MGAT4C: variants seen among roughly 807,000 people sequenced by gnomAD.
MGAT4C encodes the protein MGAT4 family member C, also known as alpha-1,3-mannosyl-glycoprotein 4-beta-N-acetylglucosaminyltransferase C.
MGAT4C carries 19 observed loss-of-function variants against 40.1 expected under a neutral mutation model. The observed-to-expected ratio is 0.47, with a 90% CI of 0.33 to 0.70. The LOEUF (loss-of-function observed/expected upper bound fraction) is 0.70, where lower values mean the gene tolerates loss of function less well. Ranked by LOEUF, MGAT4C falls within the 30% of genes least tolerant of loss-of-function variation. The probability of loss-of-function intolerance (pLI) is 0.02; values close to 1 mark genes in which losing one functional copy is unlikely to be tolerated. For synonymous variants in MGAT4C, 181 were observed against 187.1 expected (o/e 0.97, Z 0.27); for missense variants, 491 against 563.2 (o/e 0.87, Z 1.30).
Position 86,178,558 on chromosome 12 carries a change from T to G in MGAT4C, c.-57+77681A>C, listed in dbSNP as rs999957036. ...CATTTTTATTGTTACTAGTTTTATTTGTAGTTAAGTAAGTCTGCAGAAATC... is the reference window on the plus strand; with the variant it reads ...CATTTTTATTGTTACTAGTTTTATTGGTAGTTAAGTAAGTCTGCAGAAATC... On this transcript the variant is annotated intron_variant, in intron 1 of 4. Transcript: ENST00000611864. Among the ~76,000 whole-genome samples the G allele has an allele frequency of 2.6e-5, 4 of 152,308 alleles. No homozygotes were observed. The South Asian group carries it at 8.3e-4, about 32-fold the overall frequency.
chr12:86,767,255 G>C (rs958211498), intron 1 of MGAT4C, among the ~76,000 whole-genome samples: 16 of 152,244 alleles, frequency 1.1e-4, no homozygotes, highest in African/African-American at 3.6e-4. Flanking sequence ...AAATAAACTA[G>C]AAAATCTAGA....
intron 4 of MGAT4C, among the ~76,000 whole-genome samples, chr12:85,982,029 T>C (rs1884654149): frequency 6.6e-6 from 1 of 152,200 alleles, no homozygotes; most frequent in African/African-American, 2.4e-5. Flanking sequence ...TAAAGAAATC[T>C]AAATTAATTT....
chr12:86,778,777 ATTAG>A lies in MGAT4C; in HGVS notation c.-261-51540_-261-51537del, dbSNP rs1270578047. 5.9e-5 allele frequency among the ~76,000 whole-genome samples: 9 copies of A among 152,248 alleles called. No individual in the cohort carries two copies. The South Asian group carries it at 1.9e-3, about 32-fold the overall frequency. On this transcript the variant is annotated intron_variant, in intron 1 of 7. Coordinates refer to the MGAT4C transcript ENST00000548651. ...AATTCTATTACTTACAGAGACTTACATTAGTTACTCTAGTTTTCCTGTCAAGAAA... is the reference window on the plus strand; with the variant it reads ...AATTCTATTACTTACAGAGACTTACATTACTCTAGTTTTCCTGTCAAGAAA...
intron 2 of MGAT4C, among the ~76,000 whole-genome samples, chr12:86,503,819 C>A (rs1176385629): frequency 3.0e-5 from 1 of 33,584 alleles, no homozygotes; most frequent in Non-Finnish European, 7.6e-5. Context: ...TATATGAGTT[C>A]TGCTCAATTT....
In MGAT4C at chr12:85,964,742, T is replaced by C. The variant is rs1265993864; in HGVS notation, c.*14547A>G. 6.6e-6 allele frequency: 1 copy of C among 152,112 alleles called. No homozygotes were observed. The highest frequency in any genetic ancestry group is 1.5e-5 in the Non-Finnish European group (1 of 67,998). 9.4% of individuals were successfully genotyped at this position (152,112 alleles called of 1,614,324 possible). On this transcript the variant is annotated 3_prime_UTR_variant, in exon 5 of 5. Coordinates refer to ENST00000611864, the MANE Select transcript of MGAT4C (RefSeq NM_001351288.2). ...ACAGTTCTGTGGTAAAGAAGAAACA[T>C]TATAGGAAGCATTTTTTTTTCCTAC...
chr12:86,380,277 A>T (rs1407068103), intron 3 of MGAT4C, among the ~76,000 whole-genome samples: 1 of 152,282 alleles, frequency 6.6e-6, no homozygotes, highest in African/African-American at 2.4e-5. Flanking sequence ...ACATTAAAAA[A>T]TTGAAAAAAA....
intron 1 of MGAT4C, among the ~76,000 whole-genome samples, chr12:86,171,992 C>G (rs1437049595): frequency 6.6e-6 from 1 of 152,162 alleles, no homozygotes; most frequent in East Asian, 1.9e-4. Flanking sequence ...TATAATCCAG[C>G]TCTTCAGCTC....
chr12:86,215,739 T>A (rs1041740840), intron 1 of MGAT4C, among the ~76,000 whole-genome samples: 9 of 152,166 alleles, frequency 5.9e-5, no homozygotes, highest in African/African-American at 2.2e-4. Flanking sequence ...AAATTTAATT[T>A]GTCTAGTGTT....
chr12:86,126,447 G>A (rs910950004), intron 1 of MGAT4C, among the ~76,000 whole-genome samples: 7 of 151,902 alleles, frequency 4.6e-5, no homozygotes, highest in East Asian at 1.9e-4. Context: ...CAGTTTAACC[G>A]TTGTACTAAA....
At chr12:86,603,927 CTTAA>C (rs934503230) in intron 2 of MGAT4C, among the ~76,000 whole-genome samples, 5 of 150,554 alleles carry the variant, frequency 3.3e-5, no homozygotes, top group Non-Finnish European at 7.4e-5. Flanking sequence ...TGCTGGATAT[CTTAA>C]TTAACCTGAT....
intron 1 of MGAT4C, among the ~76,000 whole-genome samples, chr12:86,224,504 C>T (rs570509016): frequency 6.6e-6 from 1 of 152,242 alleles, no homozygotes; most frequent in South Asian, 2.1e-4. Context: ...AATATACAGT[C>T]ATTAATCAGC....
intron 2 of MGAT4C, among the ~76,000 whole-genome samples, chr12:86,545,951 A>C (rs1015093493): frequency 2.0e-5 from 3 of 151,984 alleles, no homozygotes; most frequent in Non-Finnish European, 4.4e-5. Context: ...CATTTTCAAA[A>C]GATTATATTT....
intron 1 of MGAT4C, among the ~76,000 whole-genome samples, chr12:86,054,216 A>G (rs953023348): frequency 2.6e-5 from 4 of 152,054 alleles, no homozygotes; most frequent in African/African-American, 9.7e-5. Context: ...GGATAAATGG[A>G]TAAAGAAAAA....
intron 4 of MGAT4C, among the ~76,000 whole-genome samples, chr12:86,329,370 C>T (rs1238334313): frequency 6.6e-6 from 1 of 152,048 alleles, no homozygotes; most frequent in Non-Finnish European, 1.5e-5. Context: ...CAGCAGAATC[C>T]CAACTCCTTA....
At chr12:86,152,104 G>T (rs1052349402) in intron 1 of MGAT4C, among the ~76,000 whole-genome samples, 1 of 152,142 alleles carries the variant, frequency 6.6e-6, no homozygotes, top group African/African-American at 2.4e-5. Context: ...CTCCATCCCC[G>T]CTGTGTCACT....
intron 3 of MGAT4C, among the ~76,000 whole-genome samples, chr12:86,374,043 C>A (rs992427294): frequency 4.6e-5 from 7 of 152,000 alleles, no homozygotes; most frequent in Non-Finnish European, 1.0e-4. Flanking sequence ...CCTGCAGAAC[C>A]TATCTCAAAG....
intron 2 of MGAT4C, among the ~76,000 whole-genome samples, chr12:86,542,510 G>A (rs2136386963): frequency 6.6e-6 from 1 of 152,188 alleles, no homozygotes; most frequent in East Asian, 1.9e-4. Context: ...TATGTTGTGG[G>A]CCATTTAATT....
At chr12:86,390,319 C>T (rs781509830) in intron 3 of MGAT4C, among the ~76,000 whole-genome samples, 7 of 152,018 alleles carry the variant, frequency 4.6e-5, no homozygotes, top group African/African-American at 9.7e-5. Context: ...TATTTTGTTA[C>T]GTACCATAGT....
chr12:86,006,184 T>C (rs140413097), intron 2 of MGAT4C, among the ~76,000 whole-genome samples: 1 of 152,292 alleles, frequency 6.6e-6, no homozygotes, highest in Admixed American at 6.5e-5. Context: ...AAACACTTCA[T>C]GCTGTCACTG....
Sources: gnomAD v4.1 joint callset for allele counts (sites outside exome capture counted in the v4.1 genomes callset) on GRCh38, gnomAD v4.1.1 for gene constraint, MANE v1.5 for transcripts, NCBI Gene and HGNC (gene_info 2026-07-23, HGNC 2026-07-21) for gene names.